The following CCDC91 variants were observed in gnomAD, a reference collection of about 807,000 sequenced individuals.
CCDC91 encodes coiled-coil domain-containing protein 91.
In CCDC91, 48 loss-of-function variants were observed where a neutral mutation model predicts 63.2. That is an observed-to-expected ratio of 0.76 (90% confidence interval 0.60 to 0.97). The LOEUF (loss-of-function observed/expected upper bound fraction) is 0.97. Ranked by LOEUF, CCDC91 falls within the 50% of genes least tolerant of loss-of-function variation. CCDC91 has a pLI of 0.00. For synonymous variants in CCDC91, 167 were observed against 165.8 expected, an observed-to-expected ratio of 1.01 and a Z score of -0.06; for missense variants, 500 against 494.6, an observed-to-expected ratio of 1.01 and a Z score of -0.10.
At chr12:28,336,057 A>G (rs1274083024) in intron 6 of CCDC91, among the ~76,000 whole-genome samples, 3 of 107,556 alleles carry the variant, frequency 2.8e-5, no homozygotes, top group East Asian at 4.7e-4. Context: ...AATTTGAACT[A>G]CTTTTTTTTT....
At chr12:28,220,246 C>G (rs1316621626) in intron 1 of CCDC91, among the ~76,000 whole-genome samples, 1 of 151,828 alleles carries the variant, frequency 6.6e-6, no homozygotes, top group Non-Finnish European at 1.5e-5. Flanking sequence ...TTATGGACTT[C>G]CTAGGTGTAT....
At position 28,255,405 on chromosome 12, in the gene CCDC91, G is replaced by T. The variant is rs1214094480; in HGVS notation, c.-14-1797G>T. The stretch of plus-strand genomic sequence containing the variant: ...TACATGTGGAAGAGATAAAGTTGGT[G>T]TTTATAGTTTGACTTGGTTAATTCT... On this transcript the variant is annotated intron_variant, in intron 1 of 12. Coordinates refer to ENST00000536442, the MANE Select transcript of CCDC91 (RefSeq NM_018318.5). 3.9e-5 allele frequency among the ~76,000 whole-genome samples: 6 copies of T among 152,224 alleles called. No individual in the cohort carries two copies. In the East Asian group the frequency reaches 1.2e-3, roughly 29 times the overall value.
intron 8 of CCDC91, among the ~76,000 whole-genome samples, chr12:28,410,958 A>G (rs752225294): frequency 2.6e-5 from 4 of 151,740 alleles, no homozygotes; most frequent in Non-Finnish European, 4.4e-5. Flanking sequence ...TTCCTTTTAA[A>G]TTGGATATTT....
chr12:28,513,313 A>G (rs1939579179), intron 12 of CCDC91, among the ~76,000 whole-genome samples: 1 of 151,890 alleles, frequency 6.6e-6, no homozygotes, highest in South Asian at 2.1e-4. Flanking sequence ...TGCCTAACAC[A>G]TGGCACATTA....
At chr12:28,373,832 T>C (rs1028057241) in intron 7 of CCDC91, among the ~76,000 whole-genome samples, 7 of 152,248 alleles carry the variant, frequency 4.6e-5, no homozygotes, top group Admixed American at 4.6e-4. Flanking sequence ...CATGTTGTCC[T>C]GGTGATAGTG....
At chr12:28,284,567 C>T (rs1158004388) in intron 3 of CCDC91, among the ~76,000 whole-genome samples, 1 of 151,724 alleles carries the variant, frequency 6.6e-6, no homozygotes, top group Non-Finnish European at 1.5e-5. Context: ...GCAGGAGAAT[C>T]GCTTGAATCC....
intron 8 of CCDC91, among the ~76,000 whole-genome samples, chr12:28,444,299 T>C (rs1454878212): frequency 6.6e-6 from 1 of 152,182 alleles, no homozygotes; most frequent in Non-Finnish European, 1.5e-5. Flanking sequence ...TACGATAATT[T>C]AGAAATTTAT....
chr12:28,385,966 C>A (rs974056724), intron 7 of CCDC91, among the ~76,000 whole-genome samples: 5 of 152,236 alleles, frequency 3.3e-5, no homozygotes, highest in East Asian at 1.9e-4. Context: ...TGACTTAATA[C>A]CTTTGTTTTC....
At chr12:28,499,309 A>G (rs1221641016) in intron 12 of CCDC91, among the ~76,000 whole-genome samples, 3 of 151,510 alleles carry the variant, frequency 2.0e-5, no homozygotes, top group Non-Finnish European at 4.4e-5. Flanking sequence ...TACAGTTATT[A>G]ACAGTAATGC....
At chr12:28,410,114 G>A (rs1592589845) in intron 8 of CCDC91, among the ~76,000 whole-genome samples, 1 of 152,134 alleles carries the variant, frequency 6.6e-6, no homozygotes. Flanking sequence ...TAGTCATTGA[G>A]AGGCAAGTGT....
At chr12:28,429,246 T>C (rs1948499648) in intron 8 of CCDC91, among the ~76,000 whole-genome samples, 1 of 152,334 alleles carries the variant, frequency 6.6e-6, no homozygotes, top group East Asian at 1.9e-4. Flanking sequence ...TCTTTCATCA[T>C]GATTCAGAAA....
intron 1 of CCDC91, among the ~76,000 whole-genome samples, chr12:28,243,262 G>A (rs1263917039): frequency 6.6e-6 from 1 of 152,172 alleles, no homozygotes; most frequent in Non-Finnish European, 1.5e-5. Flanking sequence ...GTCCCATAGG[G>A]AAGTGGTTAC....
At chr12:28,341,509 C>G (rs1942423666) in intron 6 of CCDC91, among the ~76,000 whole-genome samples, 1 of 152,138 alleles carries the variant, frequency 6.6e-6, no homozygotes, top group East Asian at 1.9e-4. Flanking sequence ...ATTTTAAAAC[C>G]ATCTGATTAG....
Position 28,307,844 on chromosome 12 carries a change from A to G in CCDC91, c.576+95A>G, listed in dbSNP as rs559919834. 3.2e-4 allele frequency: 222 copies of G among 692,526 alleles called. No individual in the cohort carries two copies. The African/African-American group carries it at 3.6e-3, about 11-fold the overall frequency. 42.9% of individuals were successfully genotyped at this position (692,526 alleles called of 1,614,324 possible). On this transcript the variant is annotated intron_variant, in intron 6 of 12. Transcript: ENST00000536442. Reference sequence around the variant, plus strand: ...TGCATAATGAATATCTTATGAATGAAGAATCAGATACTTGCTTAAATATAT... The same window carrying G: ...TGCATAATGAATATCTTATGAATGAGGAATCAGATACTTGCTTAAATATAT...
At chr12:28,274,935 C>T (rs1948090452) in intron 3 of CCDC91, among the ~76,000 whole-genome samples, 1 of 151,952 alleles carries the variant, frequency 6.6e-6, no homozygotes, top group African/African-American at 2.4e-5. Context: ...AACAAAGACA[C>T]AACATACCAG....
intron 7 of CCDC91, among the ~76,000 whole-genome samples, chr12:28,386,801 C>T (rs1402243234): frequency 6.6e-6 from 1 of 152,148 alleles, no homozygotes; most frequent in East Asian, 1.9e-4. Flanking sequence ...ATTTTCTGCC[C>T]TTGATAGCAT....
chr12:28,335,364 CAT>C (rs1470872088), intron 6 of CCDC91, among the ~76,000 whole-genome samples: 5 of 122,688 alleles, frequency 4.1e-5, no homozygotes, highest in Non-Finnish European at 3.6e-5. Flanking sequence ...TATATATTCA[CAT>C]ATAAAATATA....
intron 3 of CCDC91, among the ~76,000 whole-genome samples, chr12:28,269,149 A>G (rs1365744860): frequency 6.6e-6 from 1 of 151,780 alleles, no homozygotes; most frequent in Non-Finnish European, 1.5e-5. Context: ...ATGAACTTAT[A>G]CTTTGTATTT....
chr12:28,535,234 A>G (rs1452649777), intron 12 of CCDC91, among the ~76,000 whole-genome samples: 1 of 152,164 alleles, frequency 6.6e-6, no homozygotes, highest in Non-Finnish European at 1.5e-5. Flanking sequence ...AGAAATCTGG[A>G]ACTACATCAG....
Sources: allele counts gnomAD v4.1 joint callset (sites outside exome capture counted in the v4.1 genomes callset), GRCh38; gene constraint gnomAD v4.1.1; transcripts MANE v1.5; gene names NCBI Gene and HGNC (gene_info 2026-07-23, HGNC 2026-07-21).